ABCC11: variants seen among roughly 807,000 people sequenced by gnomAD.
ABCC11 encodes the protein ATP-binding cassette sub-family C member 11.
Under a neutral mutation model 149.3 loss-of-function variants are expected in ABCC11, and 135 were observed. That is an observed-to-expected ratio of 0.90 (90% CI 0.79 to 1.04). ABCC11 has a LOEUF of 1.04. ABCC11 is among the 50% of genes least tolerant of loss of function. ABCC11 has a pLI of 0.00. For synonymous variants in ABCC11, 665 were observed against 671.4 expected (o/e 0.99, Z 0.15); for missense variants, 1,680 against 1,722.1 (o/e 0.98, Z 0.43).
intron 18 of ABCC11, among the ~76,000 whole-genome samples, chr16:48,194,692 C>T (rs1967230010): frequency 6.6e-6 from 1 of 152,142 alleles, no homozygotes; most frequent in African/African-American, 2.4e-5. Context: ...GTCCCTTTCA[C>T]CATGTAAGGA....
chr16:48,174,840 A>C (rs1253540204), intron 26 of ABCC11, among the ~76,000 whole-genome samples: 1 of 151,992 alleles, frequency 6.6e-6, no homozygotes, highest in African/African-American at 2.4e-5. Flanking sequence ...TTGTTTTTTA[A>C]TAAGAGTCAG....
intron 20 of ABCC11, among the ~76,000 whole-genome samples, chr16:48,188,549 A>G (rs544178513): frequency 6.6e-6 from 1 of 152,340 alleles, no homozygotes; most frequent in African/African-American, 2.4e-5. Flanking sequence ...GCCAGTGGCC[A>G]TGAGGCCTTT....
chr16:48,204,706 C>CG (rs1555532092), intron 13 of ABCC11, among the ~76,000 whole-genome samples: 3 of 152,070 alleles, frequency 2.0e-5, no homozygotes, highest in Non-Finnish European at 4.4e-5. Context: ...ATGTTGTTCC[C>CG]GGGGGCAGAT....
At chr16:48,188,206 C>A (rs1468481044) in intron 20 of ABCC11, among the ~76,000 whole-genome samples, 1 of 152,240 alleles carries the variant, frequency 6.6e-6, no homozygotes, top group Non-Finnish European at 1.5e-5. Flanking sequence ...CACAGAGCTG[C>A]AACACTGCCA....
At chr16:48,231,772 T>C (rs543573685) in intron 2 of ABCC11, 51 bp downstream of exon 2, 1 of 1,594,688 alleles carries the variant, frequency 6.3e-7, no homozygotes, top group African/African-American at 1.3e-5. Context: ...CCGTGGAGAA[T>C]ATTCTGCCAA....
intron 26 of ABCC11, among the ~76,000 whole-genome samples, chr16:48,174,829 T>C (rs1223949935): frequency 1.3e-5 from 2 of 152,176 alleles, no homozygotes; most frequent in African/African-American, 4.8e-5. Context: ...TGTTTGTTTG[T>C]TTGTTTTTTA....
At chr16:48,228,046 C>T (rs1038182288) in intron 3 of ABCC11, 82 bp from the exon 4 acceptor site, 23 of 1,201,184 alleles carry the variant, frequency 1.9e-5, no homozygotes, top group South Asian at 5.9e-5. Flanking sequence ...TAAAACACAA[C>T]GAGGTTACCC....
At position 48,166,026 on chromosome 16, in the gene ABCC11, C is replaced by T. The variant is rs545703773; in HGVS notation, c.*1248G>A. 6.6e-6 allele frequency among the ~76,000 whole-genome samples: 1 copy of T among 152,310 alleles called. No individual in the cohort carries two copies. The highest frequency in any genetic ancestry group is 2.1e-4 in the South Asian group (1 of 4,832). ...GTAAGTTATGCTGCTCTTCAGTAAACAATCATAGTAGACAGCTGCTATCTG... is the reference window on the plus strand; with the variant it reads ...GTAAGTTATGCTGCTCTTCAGTAAATAATCATAGTAGACAGCTGCTATCTG... On this transcript the variant is annotated 3_prime_UTR_variant, in exon 30 of 30. Transcript: ENST00000356608.
chr16:48,169,245 G>A (rs1289660039), intron 28 of ABCC11, among the ~76,000 whole-genome samples: 7 of 152,190 alleles, frequency 4.6e-5, no homozygotes, highest in East Asian at 1.9e-4. Flanking sequence ...ATTTGGTCTA[G>A]TTGGAGACAT....
intron 28 of ABCC11, among the ~76,000 whole-genome samples, chr16:48,169,476 C>A (rs933842287): frequency 3.9e-5 from 6 of 152,118 alleles, no homozygotes; most frequent in African/African-American, 7.2e-5. Flanking sequence ...ATAGGGAATC[C>A]TTTCCCCATT....
intron 27 of ABCC11, among the ~76,000 whole-genome samples, 185 bp downstream of exon 27, chr16:48,170,704 A>G (rs998911401): frequency 6.6e-6 from 1 of 152,220 alleles, no homozygotes; most frequent in African/African-American, 2.4e-5. Context: ...TGTCTGGCAC[A>G]CGGTTGGTGT....
rs995010033 is a variant in ABCC11 at position 48,187,524 on chromosome 16, G to A, written c.2707-97C>T. ...GTTACCCTTGACTCTAAAGAGCCAC[G>A]GATCCCAGGGGTCTCCAGGGCAGGC... On this transcript the variant is annotated intron_variant, in intron 20 of 29. Coordinates refer to ENST00000356608, the MANE Select transcript of ABCC11 (RefSeq NM_001370497.1). 28 of 1,009,366 alleles carry A rather than the reference G, an allele frequency of 2.8e-5. No individual in the cohort carries two copies. The Admixed American group carries it at 3.9e-4, about 14-fold the overall frequency. 62.5% of individuals were successfully genotyped at this position (1,009,366 alleles called of 1,614,324 possible).
intron 23 of ABCC11, 113 bp downstream of exon 23, chr16:48,184,326 TG>T: frequency 7.7e-7 from 1 of 1,291,442 alleles, no homozygotes; most frequent in Non-Finnish European, 1.1e-6. Flanking sequence ...AGATCACACG[TG>T]GCCAGAGCCT....
At chr16:48,243,993 GAATA>G (rs748559863) in intron 1 of ABCC11, among the ~76,000 whole-genome samples, 38 of 150,968 alleles carry the variant, frequency 2.5e-4, no homozygotes, top group African/African-American at 7.3e-4. Context: ...ATCTGTCTCA[GAATA>G]AATAAATAAA....
intron 1 of ABCC11, among the ~76,000 whole-genome samples, chr16:48,237,799 G>A (rs1207723205): frequency 6.6e-6 from 1 of 152,118 alleles, no homozygotes; most frequent in Non-Finnish European, 1.5e-5. Context: ...TAGCCACAGG[G>A]TCTTTGCAAG....
At chr16:48,198,323 G>A (rs1384257709) in intron 15 of ABCC11, 48 bp from the exon 16 acceptor site, 1 of 1,568,094 alleles carries the variant, frequency 6.4e-7, no homozygotes, top group Non-Finnish European at 8.8e-7. Context: ...ATGGAAAGAT[G>A]TTTGATTTTA....
chr16:48,167,366 C>A lies in ABCC11; in HGVS notation c.4057G>T (p.Val1353Leu), dbSNP rs771329111. 2 of 1,369,226 alleles carry A rather than the reference C, an allele frequency of 1.5e-6. No homozygotes were observed. Among genetic ancestry groups the A allele is most frequent in the Non-Finnish European group, 2.1e-6 (2 of 956,446 alleles). The allele number at this position is 1,369,226 out of a possible 1,614,324, so 84.8% of individuals were successfully genotyped here. A position where few individuals can be genotyped will look rare whatever the true frequency, so the allele number is the denominator to read the frequency against. ...DHILVMGNGK[V>L]VEFDRPEVLR... Reference sequence around the variant, plus strand: ...ACCTCCGGCCGATCAAATTCTACCACCTGGAGGGTAGAGAAAGGCGAGGGG... The same window carrying A: ...ACCTCCGGCCGATCAAATTCTACCAACTGGAGGGTAGAGAAAGGCGAGGGG... The change falls in exon 30 of 30, where the codon GTG becomes TTG. Residue 1353 changes from valine to leucine, a missense_variant and splice_region_variant. Physicochemically the swap from Val to Leu is conservative, Grantham distance 32. Coordinates refer to ENST00000356608, the MANE Select transcript of ABCC11 (RefSeq NM_001370497.1).
At chr16:48,222,921 T>C in intron 5 of ABCC11, 90 bp from the exon 6 acceptor site, 3 of 1,116,812 alleles carry the variant, frequency 2.7e-6, no homozygotes, top group Non-Finnish European at 3.9e-6. Context: ...GGAGGTCTGA[T>C]TCATGCTGGG....
At chr16:48,247,176 A>G (rs1297091810) in intron 1 of ABCC11, 138 bp downstream of exon 1, 1 of 152,300 alleles carries the variant, frequency 6.6e-6, no homozygotes. Context: ...ATAGTTTCCA[A>G]TGTCTTTTTT....
Sources: gnomAD v4.1 joint callset for allele counts (sites outside exome capture counted in the v4.1 genomes callset) on GRCh38, gnomAD v4.1.1 for gene constraint, MANE v1.5 for transcripts, NCBI Gene and HGNC (gene_info 2026-07-23, HGNC 2026-07-21) for gene names.